Variants in ZMYM2 observed in about 807,000 individuals in gnomAD.
ZMYM2 encodes the protein zinc finger MYM-type containing 2.
Under a neutral mutation model 162.8 loss-of-function variants are expected in ZMYM2, and 56 were observed. That is an observed-to-expected ratio of 0.34 (90% CI 0.28 to 0.43). The LOEUF is 0.43. Ranked by LOEUF, ZMYM2 falls within the 20% of genes least tolerant of loss-of-function variation. ZMYM2 has a pLI of 1.00. For missense variants in ZMYM2, 1,275 were observed against 1,621.8 expected (o/e 0.79, Z 3.67); for synonymous variants, 510 against 541.6 (o/e 0.94, Z 0.81).
At chr13:19,950,979 A>C in the ZMYM2 span, among the ~76,000 whole-genome samples, 1 of 152,218 alleles carries the variant, frequency 6.6e-6, no homozygotes, top group Admixed American at 6.5e-5. Context: ...GTCCAACACA[A>C]ATTTTGTAAA....
chr13:19,887,267 G>A, the ZMYM2 span, among the ~76,000 whole-genome samples: 1 of 151,766 alleles, frequency 6.6e-6, no homozygotes, highest in Non-Finnish European at 1.5e-5. Flanking sequence ...GGTGGCTCAC[G>A]TATGTAATCC....
chr13:19,986,227 CAA>C (rs71650297), intron 2 of ZMYM2, among the ~76,000 whole-genome samples: 7 of 151,880 alleles, frequency 4.6e-5, no homozygotes, highest in Admixed American at 3.3e-4. Flanking sequence ...AACAAACAAA[CAA>C]AAAGAAGGGA....
At chr13:20,010,177 A>G (rs1004005549) in intron 6 of ZMYM2, among the ~76,000 whole-genome samples, 3 of 152,056 alleles carry the variant, frequency 2.0e-5, no homozygotes, top group African/African-American at 7.2e-5. Flanking sequence ...ATGACAATGA[A>G]CAATTTTTCT....
At chr13:20,066,716 G>A (rs1052185056) in intron 19 of ZMYM2, 135 bp from the exon 20 acceptor site, 2 of 763,354 alleles carry the variant, frequency 2.6e-6, no homozygotes, top group Non-Finnish European at 3.8e-6. Flanking sequence ...ACGTGTCCAA[G>A]TGGACCCCTG....
At chr13:20,053,061 G>C (rs1350232983) in intron 14 of ZMYM2, among the ~76,000 whole-genome samples, 1 of 152,082 alleles carries the variant, frequency 6.6e-6, no homozygotes, top group Non-Finnish European at 1.5e-5. Flanking sequence ...GAGTTTTATA[G>C]GTTGAAAGTG....
At chr13:19,904,653 C>G in the ZMYM2 span, among the ~76,000 whole-genome samples, 2 of 152,122 alleles carry the variant, frequency 1.3e-5, no homozygotes, top group African/African-American at 2.4e-5. Context: ...ACCTGTCATT[C>G]AACTAATCAT....
At chr13:19,926,866 C>T in the ZMYM2 span, among the ~76,000 whole-genome samples, 2 of 152,154 alleles carry the variant, frequency 1.3e-5, no homozygotes, top group Non-Finnish European at 2.9e-5. Flanking sequence ...CAGGGTTTCA[C>T]CATATTGGCC....
chr13:20,004,509 C>T (rs1950604756), intron 4 of ZMYM2, among the ~76,000 whole-genome samples: 1 of 152,218 alleles, frequency 6.6e-6, no homozygotes, highest in Non-Finnish European at 1.5e-5. Context: ...CCCGCCTCAG[C>T]CTCCCAAAGT....
chr13:19,907,761 CAAAAAAA>C, the ZMYM2 span, among the ~76,000 whole-genome samples: 4 of 39,102 alleles, frequency 1.0e-4, no homozygotes, highest in African/African-American at 1.3e-4. Context: ...GACTCTGTCT[CAAAAAAA>C]AAAAAAAAAA....
the ZMYM2 span, among the ~76,000 whole-genome samples, chr13:19,934,091 G>A: frequency 2.6e-5 from 4 of 152,054 alleles, no homozygotes; most frequent in African/African-American, 7.2e-5. Flanking sequence ...TGTATTAGAA[G>A]GATTTAAATG....
At chr13:19,962,258 AT>A (rs1480575404) in intron 2 of ZMYM2, among the ~76,000 whole-genome samples, 1 of 151,964 alleles carries the variant, frequency 6.6e-6, no homozygotes, top group African/African-American at 2.4e-5. Flanking sequence ...TTTAATATTA[AT>A]GCATTTGAGA....
rs1465990746 is a variant in ZMYM2, at chr13:20,003,048, G to T, written c.1046G>T (p.Gly349Val). The T allele has an allele frequency of 1.2e-6, 2 of 1,614,138 alleles. No individual in the cohort carries two copies. The change falls in exon 4 of 25, where the codon GGA (glycine) becomes GTA (valine). Residue 349 changes from glycine (G) to valine (V), a missense_variant. Around this residue, in one of 10 missense-constraint regions of ZMYM2, gnomAD observed 115 missense variants for 175.3 expected, o/e 0.66. Coordinates refer to ENST00000610343, the MANE Select transcript of ZMYM2 (RefSeq NM_197968.4). Reference sequence around the variant, plus strand: ...GGCCAGACAGCTTATCAACGAAAAGGATCAGCTCACCTCTTTTGTTCTACC... The same window carrying T: ...GGCCAGACAGCTTATCAACGAAAAGTATCAGCTCACCTCTTTTGTTCTACC... ...QKGQTAYQRK[G>V]SAHLFCSTTC...
At chr13:19,918,056 C>CA in the ZMYM2 span, among the ~76,000 whole-genome samples, 1 of 151,390 alleles carries the variant, frequency 6.6e-6, no homozygotes, top group Non-Finnish European at 1.5e-5. Context: ...GACCCTGTCT[C>CA]AAAAAACAAA....
the ZMYM2 span, among the ~76,000 whole-genome samples, chr13:19,884,745 A>C: frequency 6.6e-6 from 1 of 152,094 alleles, no homozygotes; most frequent in East Asian, 1.9e-4. Flanking sequence ...TCTCGCGATA[A>C]ATGTTACAGC....
chr13:20,037,561 G>A (rs1953841754), intron 12 of ZMYM2, among the ~76,000 whole-genome samples: 1 of 152,114 alleles, frequency 6.6e-6, no homozygotes, highest in Admixed American at 6.6e-5. Context: ...ATGTTAGCAG[G>A]TAATTGTTTT....
chr13:19,987,619 TCG>T (rs1491566446), intron 2 of ZMYM2, among the ~76,000 whole-genome samples: 2 of 53,264 alleles, frequency 3.8e-5, no homozygotes, highest in Non-Finnish European at 7.2e-5. Flanking sequence ...TGGGGTTTTG[TCG>T]TGTGTGTGTG....
At chr13:19,900,039 C>T in the ZMYM2 span, among the ~76,000 whole-genome samples, 9 of 152,062 alleles carry the variant, frequency 5.9e-5, no homozygotes, top group Admixed American at 4.6e-4. Context: ...GGTGAGATGG[C>T]TCACACCTGT....
the ZMYM2 span, among the ~76,000 whole-genome samples, chr13:19,901,336 A>G: frequency 4.8e-4 from 73 of 152,334 alleles, 1 homozygote; most frequent in African/African-American, 1.5e-3. Context: ...ATTCATGTTC[A>G]TAGCAGATTT....
the ZMYM2 span, among the ~76,000 whole-genome samples, chr13:19,927,625 T>C: frequency 3.3e-5 from 5 of 152,226 alleles, no homozygotes; most frequent in African/African-American, 1.2e-4. Context: ...AGTCTTTCCT[T>C]GTGTTCATAA....
Sources: gnomAD v4.1 joint callset for allele counts (sites outside exome capture counted in the v4.1 genomes callset) on GRCh38, gnomAD v4.1.1 for gene constraint, gnomAD v4.1.1 regional missense constraint, MANE v1.5 for transcripts, NCBI Gene and HGNC (gene_info 2026-07-23, HGNC 2026-07-21) for gene names.